Variants in SMG6 observed in about 807,000 individuals in gnomAD.
SMG6 encodes the protein telomerase-binding protein EST1A.
In SMG6, 66 loss-of-function variants were observed where a neutral mutation model predicts 142.2. That is an observed-to-expected ratio of 0.46 (90% CI 0.38 to 0.57). The LOEUF is 0.57. SMG6 is among the 20% of genes least tolerant of loss of function. The pLI is 0.00. For synonymous variants in SMG6, 779 were observed against 702.4 expected (o/e 1.11, Z -1.72); for missense variants, 1,793 against 1,832.0 (o/e 0.98, Z 0.39).
chr17:2,122,707 G>A (rs528874679), intron 13 of SMG6, among the ~76,000 whole-genome samples: 8 of 152,288 alleles, frequency 5.3e-5, no homozygotes, highest in Non-Finnish European at 8.8e-5. Flanking sequence ...GTGTCTGGAC[G>A]TCGGCCCCAT....
chr17:2,108,722 C>T (rs920002637), intron 13 of SMG6, among the ~76,000 whole-genome samples: 1 of 151,942 alleles, frequency 6.6e-6, no homozygotes, highest in African/African-American at 2.4e-5. Context: ...GGGTGGATCA[C>T]CTGAGGGTTA....
At chr17:2,231,521 C>A (rs2073493462) in intron 10 of SMG6, among the ~76,000 whole-genome samples, 1 of 151,956 alleles carries the variant, frequency 6.6e-6, no homozygotes, top group Non-Finnish European at 1.5e-5. Flanking sequence ...CATGGTGAAA[C>A]CCCCGTCTCT....
rs183188004 is a variant in SMG6, at chr17:2,184,833, C to T, written c.3155+1830G>A. Among the ~76,000 whole-genome samples the T allele has an allele frequency of 2.6e-5, 4 of 151,066 alleles. No individual in the cohort carries two copies. In the East Asian group the frequency reaches 7.8e-4, roughly 29 times the overall value. ...TACAAAAATTAGCCGGGTGTGGTGG[C>T]AGGTGCCTGTAATCCCAGCTACTCG... On this transcript the variant is annotated intron_variant, in intron 12 of 18. Transcript: ENST00000263073.
chr17:2,091,290 C>A (rs751584442), intron 13 of SMG6, among the ~76,000 whole-genome samples: 1 of 152,150 alleles, frequency 6.6e-6, no homozygotes, highest in Non-Finnish European at 1.5e-5. Flanking sequence ...GGAGGGGCCT[C>A]CTGGCAGGAA....
chr17:2,303,399 G>C (rs1345385433), intron 1 of SMG6: 1 of 1,247,696 alleles, frequency 8.0e-7, no homozygotes, highest in Non-Finnish European at 1.0e-6. Flanking sequence ...AAAGAGGGTG[G>C]AGGCAGGAAT....
intron 8 of SMG6, among the ~76,000 whole-genome samples, chr17:2,279,407 C>T (rs780135783): frequency 2.6e-5 from 4 of 152,122 alleles, no homozygotes; most frequent in Admixed American, 1.3e-4. Context: ...GATTTTAGAC[C>T]TGATTGTAAG....
chr17:2,110,081 C>CAAAAAAAAAAAAAAAAA (rs57135671), intron 13 of SMG6, among the ~76,000 whole-genome samples: 1 of 87,912 alleles, frequency 1.1e-5, no homozygotes, highest in Non-Finnish European at 3.0e-5. Context: ...GATTCCATCT[C>CAAAAAAAAAAAAAAAAA]AAAAAAAAAA....
chr17:2,274,492 G>C (rs1387806768), intron 8 of SMG6, among the ~76,000 whole-genome samples: 1 of 152,168 alleles, frequency 6.6e-6, no homozygotes, highest in Non-Finnish European at 1.5e-5. Flanking sequence ...AAGAGCAAAA[G>C]GAGAGAGAAC....
chr17:2,068,973 C>A lies in SMG6; in HGVS notation c.3682-42G>T. On this transcript the variant is annotated intron_variant, in intron 15 of 18. Coordinates refer to ENST00000263073, the MANE Select transcript of SMG6 (RefSeq NM_017575.5). The surrounding 1 kb of genome is among the most constrained non-coding windows in gnomAD (Gnocchi z 6.7). The stretch of plus-strand genomic sequence containing the variant: ...GTGAATGAGCCAGACAGCGAGCAGG[C>A]AAGCAGGTGGGTGAGCCAGGGCCCT... 1 of 1,604,436 alleles carries A rather than the reference C, an allele frequency of 6.2e-7. No homozygotes were observed.
At chr17:2,253,119 T>TTTTATTTATTTA (rs10528623) in intron 8 of SMG6, among the ~76,000 whole-genome samples, 4,969 of 130,646 alleles carry the variant, frequency 0.038, 105 homozygotes, top group Non-Finnish European at 0.045. Context: ...AAATATTTTA[T>TTTTATTTATTTA]TTTATTTATT....
At chr17:2,130,699 A>G (rs143821188) in intron 13 of SMG6, among the ~76,000 whole-genome samples, 2 of 151,756 alleles carry the variant, frequency 1.3e-5, no homozygotes, top group Admixed American at 1.3e-4. Flanking sequence ...TTTTCATGTA[A>G]AATTGCAATT....
intron 8 of SMG6, among the ~76,000 whole-genome samples, chr17:2,271,026 G>A (rs929817842): frequency 1.3e-5 from 2 of 151,864 alleles, no homozygotes; most frequent in Non-Finnish European, 2.9e-5. Flanking sequence ...AAGGCCAGGC[G>A]TGGTAGCTCA....
At chr17:2,139,835 C>T (rs2070420751) in intron 13 of SMG6, among the ~76,000 whole-genome samples, 1 of 152,048 alleles carries the variant, frequency 6.6e-6, no homozygotes, top group Admixed American at 6.6e-5. Flanking sequence ...GAGCGATTCT[C>T]CTGCCTCAGC....
intron 8 of SMG6, among the ~76,000 whole-genome samples, chr17:2,261,239 G>A (rs113044290): frequency 1.6e-4 from 24 of 152,016 alleles, no homozygotes; most frequent in African/African-American, 3.4e-4. Context: ...ACTTGAACCC[G>A]GGAGGCGGAG....
At chr17:2,247,139 C>A (rs897349990) in intron 8 of SMG6, among the ~76,000 whole-genome samples, 4 of 152,118 alleles carry the variant, frequency 2.6e-5, no homozygotes, top group African/African-American at 9.7e-5. Flanking sequence ...CATTTACCTG[C>A]GGTGGGATCT....
intron 13 of SMG6, among the ~76,000 whole-genome samples, chr17:2,104,321 C>T (rs2069096370): frequency 6.6e-6 from 1 of 152,112 alleles, no homozygotes; most frequent in Non-Finnish European, 1.5e-5. Context: ...GTCACGAATT[C>T]CTGATTTCAA....
chr17:2,087,282 G>A (rs2068590214), intron 13 of SMG6: 3 of 1,273,556 alleles, frequency 2.4e-6, no homozygotes, highest in African/African-American at 1.5e-5. Context: ...AGATGAAGCA[G>A]GCATGACCCA....
intron 13 of SMG6, among the ~76,000 whole-genome samples, chr17:2,123,210 G>A (rs2069759589): frequency 6.6e-6 from 1 of 152,192 alleles, no homozygotes; most frequent in South Asian, 2.1e-4. Flanking sequence ...CACTGACTCT[G>A]GCCACACACA....
chr17:2,121,370 G>C, intron 13 of SMG6, among the ~76,000 whole-genome samples: 1 of 151,970 alleles, frequency 6.6e-6, no homozygotes, highest in East Asian at 1.9e-4. Context: ...ATCTCAAAAA[G>C]ATTAAGCTAA....
Sources: allele counts gnomAD v4.1 joint callset (sites outside exome capture counted in the v4.1 genomes callset), GRCh38; gene constraint gnomAD v4.1.1; non-coding constraint Gnocchi (gnomAD v3.1); transcripts MANE v1.5; gene names NCBI Gene and HGNC (gene_info 2026-07-23, HGNC 2026-07-21).